MAPKAPK3: variants seen among roughly 807,000 people sequenced by gnomAD.
MAPKAPK3 encodes the protein MAP kinase-activated protein kinase 3.
MAPKAPK3 carries 35 observed loss-of-function variants against 49.2 expected under a neutral mutation model. The observed-to-expected ratio is 0.71, with a 90% confidence interval of 0.54 to 0.94. The LOEUF is 0.94. Among genes scored for constraint, MAPKAPK3 ranks in the 40% least tolerant of loss-of-function variants. MAPKAPK3 has a pLI of 0.00. For synonymous variants in MAPKAPK3, 178 were observed against 188.7 expected (o/e 0.94, Z 0.46); for missense variants, 398 against 493.1 (o/e 0.81, Z 1.83).
At chr3:50,630,309 A>G (rs1296109194) in intron 2 of MAPKAPK3, among the ~76,000 whole-genome samples, 1 of 152,230 alleles carries the variant, frequency 6.6e-6, no homozygotes, top group African/African-American at 2.4e-5. Flanking sequence ...TCCCAGTCCC[A>G]GTCCAGGTCT....
chr3:50,644,433 AAGG>A lies in MAPKAPK3; in HGVS notation c.532_534del (p.Glu178del). 2 of 1,614,144 alleles carry A rather than the reference AAGG, an allele frequency of 1.2e-6. No homozygotes were observed. The highest frequency in any genetic ancestry group is 1.7e-6 in the Non-Finnish European group (2 of 1,180,016). On this transcript the variant is annotated inframe_deletion, in exon 6 of 11. Coordinates refer to ENST00000621469, the MANE Select transcript of MAPKAPK3 (RefSeq NM_001243925.2). ...GCCTGAAAACCTACTCTACACATCT[AAGG>A]AGAAAGACGCAGTGCTTAAGCTCAC...
chr3:50,613,199 A>C (rs559275979), upstream of MAPKAPK3, among the ~76,000 whole-genome samples: 25 of 151,890 alleles, frequency 1.6e-4, no homozygotes, highest in African/African-American at 5.8e-4. Flanking sequence ...CTGGGCAGGG[A>C]TGACAGACCC....
At chr3:50,633,489 T>C (rs938075012) in intron 2 of MAPKAPK3, among the ~76,000 whole-genome samples, 1 of 152,116 alleles carries the variant, frequency 6.6e-6, no homozygotes, top group Non-Finnish European at 1.5e-5. Flanking sequence ...ACCCACGCAC[T>C]GATGTACACA....
At position 50,637,235 on chromosome 3, in the gene MAPKAPK3, G is replaced by T. The variant is rs2033062527; in HGVS notation, c.220-3131G>T. 2.6e-5 allele frequency among the ~76,000 whole-genome samples: 4 copies of T among 152,136 alleles called. No individual in the cohort carries two copies. The South Asian group carries it at 8.3e-4, about 31-fold the overall frequency. ...CATCCTCCCATCCTTTGTTTGCTCG[G>T]AAGCCCAGTGTTTCCTGCCAGGCCC... is the stretch of plus-strand genomic sequence containing the variant. On this transcript the variant is annotated intron_variant, in intron 2 of 10. Coordinates refer to ENST00000621469, the MANE Select transcript of MAPKAPK3 (RefSeq NM_001243925.2).
upstream of MAPKAPK3, chr3:50,612,611 G>A (rs2032362196): frequency 6.6e-6 from 1 of 152,044 alleles, no homozygotes; most frequent in African/African-American, 2.4e-5. Context: ...GGCTGGCACT[G>A]GTTTCTGGCC....
upstream of MAPKAPK3, among the ~76,000 whole-genome samples, chr3:50,615,348 C>T (rs566587011): frequency 1.3e-5 from 2 of 152,224 alleles, no homozygotes; most frequent in Admixed American, 6.5e-5. Flanking sequence ...TATCTGTGTG[C>T]ATGTGTGTTA....
intron 2 of MAPKAPK3, among the ~76,000 whole-genome samples, chr3:50,635,788 A>C (rs950744720): frequency 6.6e-6 from 1 of 151,888 alleles, no homozygotes; most frequent in African/African-American, 2.4e-5. Context: ...TAGATTTATT[A>C]AATCTACAAA....
intron 2 of MAPKAPK3, among the ~76,000 whole-genome samples, chr3:50,635,170 G>A (rs1299557073): frequency 1.3e-5 from 2 of 152,118 alleles, no homozygotes; most frequent in African/African-American, 4.8e-5. Context: ...CTCTTACTTT[G>A]GGACATCTTT....
At chr3:50,626,237 C>A (rs1208822539) in intron 2 of MAPKAPK3, among the ~76,000 whole-genome samples, 2 of 152,186 alleles carry the variant, frequency 1.3e-5, no homozygotes, top group African/African-American at 4.8e-5. Context: ...GAGGTATAGA[C>A]AGGGCTGAGA....
At chr3:50,619,321 G>A (rs1421739151) in intron 2 of MAPKAPK3, among the ~76,000 whole-genome samples, 2 of 152,140 alleles carry the variant, frequency 1.3e-5, no homozygotes, top group African/African-American at 4.8e-5. Context: ...TTGTCTCCCC[G>A]GAGTACCTTG....
intron 5 of MAPKAPK3, among the ~76,000 whole-genome samples, chr3:50,643,074 ACTC>A (rs1306861873): frequency 6.6e-6 from 1 of 151,872 alleles, no homozygotes; most frequent in East Asian, 1.9e-4. Context: ...TTGGTCTTGA[ACTC>A]CTGACCTTAG....
At chr3:50,627,354 C>T (rs4234694) in intron 2 of MAPKAPK3, among the ~76,000 whole-genome samples, 145,038 of 151,994 alleles carry the variant, frequency 0.95, 69,615 homozygotes, top group East Asian at 1. Flanking sequence ...TGCAAGTAGA[C>T]AGACAGCATA....
chr3:50,618,792 C>T (rs1274189873), intron 2 of MAPKAPK3, among the ~76,000 whole-genome samples: 1 of 152,162 alleles, frequency 6.6e-6, no homozygotes, highest in Non-Finnish European at 1.5e-5. Flanking sequence ...CAGGTTCAAG[C>T]GATTTTACTG....
At chr3:50,611,704 T>C (rs910016270), upstream of MAPKAPK3, 1 of 1,450,486 alleles carries the variant, frequency 6.9e-7, no homozygotes, top group Non-Finnish European at 9.1e-7. Flanking sequence ...CGGCGGCGGC[T>C]GGAGGGAACC....
intron 2 of MAPKAPK3, among the ~76,000 whole-genome samples, chr3:50,637,703 GAGAGAGAGA>G (rs2033075837): frequency 9.6e-5 from 1 of 10,436 alleles, no homozygotes; most frequent in Non-Finnish European, 7.1e-4. Context: ...AAGAGAGAGA[GAGAGAGAGA>G]GAGAGAGAGA....
At chr3:50,611,866 G>A, upstream of MAPKAPK3, 1 of 577,722 alleles carries the variant, frequency 1.7e-6, no homozygotes, top group East Asian at 3.5e-5. Flanking sequence ...TTTGTCTGCC[G>A]CGTTCCAGCC....
At chr3:50,623,322 G>A (rs921471407) in intron 2 of MAPKAPK3, among the ~76,000 whole-genome samples, 3 of 152,206 alleles carry the variant, frequency 2.0e-5, no homozygotes, top group Non-Finnish European at 4.4e-5. Flanking sequence ...AAGATCCTGG[G>A]GAGGGCATCA....
intron 2 of MAPKAPK3, among the ~76,000 whole-genome samples, chr3:50,622,802 G>C (rs1216936991): frequency 6.6e-6 from 1 of 152,238 alleles, no homozygotes; most frequent in Non-Finnish European, 1.5e-5. Flanking sequence ...CATTCATGAG[G>C]CCATTTCTGC....
intron 2 of MAPKAPK3, among the ~76,000 whole-genome samples, chr3:50,621,104 C>A (rs1024482261): frequency 6.6e-6 from 1 of 152,146 alleles, no homozygotes; most frequent in Non-Finnish European, 1.5e-5. Context: ...CCTGCCCAGC[C>A]CTCTTGTGGT....
Sources: allele counts gnomAD v4.1 joint callset (sites outside exome capture counted in the v4.1 genomes callset), GRCh38; gene constraint gnomAD v4.1.1; transcripts MANE v1.5; gene names NCBI Gene and HGNC (gene_info 2026-07-23, HGNC 2026-07-21).